The following CSMD1 variants were observed in gnomAD, a reference collection of about 807,000 sequenced individuals.
CSMD1 encodes the protein CUB and sushi domain-containing protein 1.
In CSMD1, 213 loss-of-function variants were observed where a neutral mutation model predicts 417.5. The ratio of observed to expected loss-of-function variants is 0.51; its 90% CI spans 0.46 to 0.57. The LOEUF (loss-of-function observed/expected upper bound fraction) is 0.57, where lower values mean the gene tolerates loss of function less well. CSMD1 is among the 20% of genes least tolerant of loss of function. CSMD1 has a pLI of 0.00. For missense variants in CSMD1, 6,923 were observed against 4,529.7 expected, an observed-to-expected ratio of 1.53 and a Z score of -15.17; for synonymous variants, 2,862 against 1,736.8, an observed-to-expected ratio of 1.65 and a Z score of -16.11.
In CSMD1 at chr8:3,625,225, C is replaced by T. The variant is rs554997915; in HGVS notation, c.1010-8428G>A. 9.2e-5 allele frequency among the ~76,000 whole-genome samples: 14 copies of T among 152,222 alleles called. No individual in the cohort carries two copies. The South Asian group carries it at 1.0e-3, about 11-fold the overall frequency. Reference sequence around the variant, plus strand: ...CACTTGGATGATAAACTCTTATTATCGGAGCAACATTAGAAGCTTTAAATG... The same window carrying T: ...CACTTGGATGATAAACTCTTATTATTGGAGCAACATTAGAAGCTTTAAATG... On this transcript the variant is annotated intron_variant, in intron 7 of 69. Transcript: ENST00000635120.
intron 5 of CSMD1, among the ~76,000 whole-genome samples, chr8:3,848,572 C>A (rs922932681): frequency 6.6e-6 from 1 of 152,122 alleles, no homozygotes; most frequent in Non-Finnish European, 1.5e-5. Context: ...TTGTGCTGCT[C>A]CTTGTAAATA....
At chr8:3,827,592 T>A (rs993856783) in intron 5 of CSMD1, among the ~76,000 whole-genome samples, 1 of 152,190 alleles carries the variant, frequency 6.6e-6, no homozygotes, top group African/African-American at 2.4e-5. Context: ...TCAAATTACA[T>A]CAATGAAATG....
intron 1 of CSMD1, among the ~76,000 whole-genome samples, chr8:4,850,411 T>C (rs542123709): frequency 5.4e-4 from 79 of 145,770 alleles, no homozygotes; most frequent in African/African-American, 1.9e-3. Context: ...TTTTTGCTCT[T>C]GCCTTTAGTA....
chr8:4,187,713 C>G (rs560615923), intron 3 of CSMD1, among the ~76,000 whole-genome samples: 3 of 138,590 alleles, frequency 2.2e-5, no homozygotes, highest in Non-Finnish European at 4.6e-5. Context: ...GAAGTTTATT[C>G]TAGTTAGTGT....
In CSMD1 at chr8:3,091,452, T is replaced by G. The variant is rs1814936487; in HGVS notation, c.7285+64A>C. On this transcript the variant is annotated intron_variant, in intron 48 of 69. Coordinates refer to ENST00000635120, the MANE Select transcript of CSMD1 (RefSeq NM_033225.6). Reference sequence around the variant, plus strand: ...ACTATAAATTTCTATTTAAATTGTTTTATTCAATGAAAATCACCTGTTTTA... The same window carrying G: ...ACTATAAATTTCTATTTAAATTGTTGTATTCAATGAAAATCACCTGTTTTA... 8 of 1,242,460 alleles carry G rather than the reference T, an allele frequency of 6.4e-6. 1 individual carries two copies. The East Asian group carries it at 1.5e-4, about 23-fold the overall frequency. 77.0% of individuals were successfully genotyped at this position (1,242,460 alleles called of 1,614,324 possible). A position where few individuals can be genotyped will look rare whatever the true frequency, so the allele number is the denominator to read the frequency against.
chr8:3,387,722 T>C (rs537272650), intron 17 of CSMD1, 40 bp from the exon 18 acceptor site: 139 of 1,518,656 alleles, frequency 9.2e-5, no homozygotes, highest in Non-Finnish European at 1.2e-4. Context: ...AGGATCTTTC[T>C]GGTTGATTGA....
intron 3 of CSMD1, among the ~76,000 whole-genome samples, chr8:4,209,533 G>C (rs143082225): frequency 8.5e-5 from 13 of 152,262 alleles, no homozygotes; most frequent in East Asian, 3.9e-4. Context: ...CAGGAGCCGC[G>C]TGAGATTCCT....
chr8:3,031,044 A>G (rs1472740009), intron 50 of CSMD1, among the ~76,000 whole-genome samples: 1 of 151,932 alleles, frequency 6.6e-6, no homozygotes, highest in Non-Finnish European at 1.5e-5. Context: ...AATTTATAAG[A>G]AGATTCAAAT....
At chr8:3,432,980 T>A (rs1814316206) in intron 12 of CSMD1, among the ~76,000 whole-genome samples, 2 of 152,284 alleles carry the variant, frequency 1.3e-5, no homozygotes, top group Non-Finnish European at 2.9e-5. Context: ...GTTCTTCCAG[T>A]AGCAGATGGC....
chr8:4,279,532 G>T (rs1230918847), intron 3 of CSMD1, among the ~76,000 whole-genome samples: 1 of 152,144 alleles, frequency 6.6e-6, no homozygotes, highest in Non-Finnish European at 1.5e-5. Context: ...TGTGGTTAGT[G>T]CAACTTTAGC....
chr8:4,841,257 C>A (rs1800820572), intron 1 of CSMD1, among the ~76,000 whole-genome samples: 3 of 152,228 alleles, frequency 2.0e-5, no homozygotes. Flanking sequence ...TTTCACTTCA[C>A]CAATGCAGCC....
intron 3 of CSMD1, among the ~76,000 whole-genome samples, chr8:4,327,564 G>C (rs765782511): frequency 6.6e-6 from 1 of 152,042 alleles, no homozygotes; most frequent in Non-Finnish European, 1.5e-5. Flanking sequence ...CCTGTGGGGC[G>C]CTCATCACTG....
intron 8 of CSMD1, among the ~76,000 whole-genome samples, chr8:3,604,851 T>A (rs1801533605): frequency 6.6e-6 from 1 of 152,156 alleles, no homozygotes; most frequent in Non-Finnish European, 1.5e-5. Flanking sequence ...GAGAGTTATC[T>A]AGGGGGCTCT....
At position 4,412,317 on chromosome 8, in the gene CSMD1, G is replaced by A. The variant is rs79228974; in HGVS notation, c.415+7636C>T. 5.7e-4 allele frequency among the ~76,000 whole-genome samples: 87 copies of A among 152,072 alleles called. 3 individuals are homozygous for A. In the East Asian group the frequency reaches 0.013, roughly 22 times the overall value. On this transcript the variant is annotated intron_variant, in intron 3 of 69. Coordinates refer to ENST00000635120, the MANE Select transcript of CSMD1 (RefSeq NM_033225.6). The stretch of plus-strand genomic sequence containing the variant: ...TCTCGGTTGCTCTCCTGGACACAGC[G>A]CAAAAGATTCACCAAAATTGAACTG...
At chr8:4,611,006 T>C (rs1801138132) in intron 2 of CSMD1, among the ~76,000 whole-genome samples, 1 of 152,242 alleles carries the variant, frequency 6.6e-6, no homozygotes, top group Non-Finnish European at 1.5e-5. Flanking sequence ...GCAGCCCTTT[T>C]TCCCTTAGAA....
chr8:4,738,871 T>A (rs1307163468), intron 1 of CSMD1, among the ~76,000 whole-genome samples: 2 of 143,654 alleles, frequency 1.4e-5, no homozygotes, highest in Non-Finnish European at 3.1e-5. Context: ...GAACTACATA[T>A]AGTCATCTAT....
chr8:3,921,434 A>G (rs1462559642), intron 5 of CSMD1, among the ~76,000 whole-genome samples: 1 of 151,784 alleles, frequency 6.6e-6, no homozygotes, highest in Non-Finnish European at 1.5e-5. Context: ...TCTTCTATTA[A>G]CTTTGAGCTT....
intron 10 of CSMD1, among the ~76,000 whole-genome samples, chr8:3,531,581 T>A (rs915353217): frequency 6.6e-6 from 1 of 152,166 alleles, no homozygotes; most frequent in African/African-American, 2.4e-5. Context: ...CCAGGTTCCA[T>A]CTGTGGTCTG....
At chr8:3,792,121 C>T (rs1337201287) in intron 5 of CSMD1, among the ~76,000 whole-genome samples, 1 of 152,114 alleles carries the variant, frequency 6.6e-6, no homozygotes, top group Non-Finnish European at 1.5e-5. Context: ...TAGGGAGACC[C>T]TGTCTCTACG....
Sources: allele counts gnomAD v4.1 joint callset (sites outside exome capture counted in the v4.1 genomes callset), GRCh38; gene constraint gnomAD v4.1.1; transcripts MANE v1.5; gene names NCBI Gene and HGNC (gene_info 2026-07-23, HGNC 2026-07-21).